GALNT10: variants seen among roughly 807,000 people sequenced by gnomAD.
The protein encoded by GALNT10 is GalNAc transferase 10.
A neutral mutation model predicts 75.0 loss-of-function variants in GALNT10; 41 were observed. The ratio of observed to expected loss-of-function variants is 0.55; its 90% CI spans 0.43 to 0.71. The LOEUF is 0.71. GALNT10 is among the 30% of genes least tolerant of loss of function. The pLI, the probability that GALNT10 is intolerant of heterozygous loss-of-function variation, is 0.00. For synonymous variants in GALNT10, 302 were observed against 313.0 expected (o/e 0.96, Z 0.37); for missense variants, 727 against 818.5 (o/e 0.89, Z 1.36).
chr5:154,321,384 A>C (rs1442257509), intron 3 of GALNT10, among the ~76,000 whole-genome samples: 1 of 151,688 alleles, frequency 6.6e-6, no homozygotes, highest in African/African-American at 2.4e-5. Flanking sequence ...GGCTCGCTGC[A>C]ACCTCGTCTG....
At chr5:154,348,330 C>A (rs1755158682) in intron 4 of GALNT10, among the ~76,000 whole-genome samples, 1 of 152,106 alleles carries the variant, frequency 6.6e-6, no homozygotes, top group Admixed American at 6.5e-5. Context: ...TATTAATTAC[C>A]CCAATTAGAG....
intron 4 of GALNT10, among the ~76,000 whole-genome samples, chr5:154,335,026 A>G (rs1754922867): frequency 6.6e-6 from 1 of 152,094 alleles, no homozygotes; most frequent in Non-Finnish European, 1.5e-5. Flanking sequence ...CTGCCCAATA[A>G]ACCTCTATTC....
intron 1 of GALNT10, chr5:154,219,774 A>C (rs1489867900): frequency 1.3e-5 from 2 of 152,108 alleles, no homozygotes; most frequent in Non-Finnish European, 2.9e-5. Flanking sequence ...ATCCAGAGAC[A>C]GTAAGTGAAT....
chr5:154,267,213 G>T (rs1753791073), intron 1 of GALNT10, among the ~76,000 whole-genome samples: 1 of 152,192 alleles, frequency 6.6e-6, no homozygotes, highest in Non-Finnish European at 1.5e-5. Flanking sequence ...TGCAATATGG[G>T]ATGAATATTT....
chr5:154,393,066 A>AAAAAAAC (rs1554101646), intron 7 of GALNT10: 1 of 133,956 alleles, frequency 7.5e-6, no homozygotes, highest in African/African-American at 2.8e-5. Context: ...ACAAAAAAAA[A>AAAAAAAC]AAAAAAAAAA....
At position 154,412,786 on chromosome 5, in the gene GALNT10, T is replaced by C; in HGVS notation, c.1387-103T>C. On this transcript the variant is annotated intron_variant, in intron 9 of 11. Transcript: ENST00000297107. The surrounding 1 kb of genome is among the most constrained non-coding windows in gnomAD (Gnocchi z 4.2). ...TTTATCAAGACGATTTGAAGGTTAA[T>C]CCAGCTAATGTCTCCCACTTGGTTT... The C allele has an allele frequency of 4.9e-6, 4 of 812,878 alleles. No homozygotes were observed. The highest frequency in any genetic ancestry group is 8.7e-6 in the Non-Finnish European group (4 of 460,856). The allele number at this position is 812,878 out of a possible 1,614,324, so 50.4% of individuals were successfully genotyped here. A position where few individuals can be genotyped will look rare whatever the true frequency, so the allele number is the denominator to read the frequency against.
Position 154,346,739 on chromosome 5 carries a change from A to T in GALNT10, c.568+17001A>T, listed in dbSNP as rs1256211302. Among the ~76,000 whole-genome samples the T allele has an allele frequency of 3.3e-5, 5 of 152,140 alleles. No individual in the cohort carries two copies. In the East Asian group the frequency reaches 9.6e-4, roughly 29 times the overall value. ...TGCCAATTTTTTTTTTAAAGAAGCTAAATGGAAGATTTAAACCTTAAGTTG... is the reference window on the plus strand; with the variant it reads ...TGCCAATTTTTTTTTTAAAGAAGCTTAATGGAAGATTTAAACCTTAAGTTG... On this transcript the variant is annotated intron_variant, in intron 4 of 11. Transcript: ENST00000297107.
chr5:154,215,678 G>A (rs564148052), intron 1 of GALNT10, among the ~76,000 whole-genome samples: 2 of 152,160 alleles, frequency 1.3e-5, no homozygotes, highest in Non-Finnish European at 2.9e-5. Context: ...ATACTGTCAT[G>A]GTTAAAAATG....
intron 1 of GALNT10, among the ~76,000 whole-genome samples, chr5:154,269,195 A>G (rs1581947943): frequency 1.3e-5 from 2 of 151,778 alleles, no homozygotes. Flanking sequence ...CATGTTGGCC[A>G]TGATGGTCTC....
rs1216228165 is a variant in GALNT10 at position 154,409,841 on chromosome 5, A to C, written c.1386+79A>C. 1 of 968,604 alleles carries C rather than the reference A, an allele frequency of 1.0e-6. No homozygotes were observed. Among genetic ancestry groups the C allele is most frequent in the African/African-American group, 1.6e-5 (1 of 62,478 alleles). 60.0% of individuals were successfully genotyped at this position (968,604 alleles called of 1,614,324 possible). On this transcript the variant is annotated intron_variant, in intron 9 of 11. Coordinates refer to ENST00000297107, the MANE Select transcript of GALNT10 (RefSeq NM_198321.4). This position sits in a 1 kb window ranked among gnomAD's most constrained non-coding sequence, Gnocchi z 4.5. ...AATGCAGATCCCATGTTCAAAAGGT[A>C]GAAAGTCAGTGCAGGGAGGAAAGGC...
chr5:154,307,453 T>A (rs1754450490), intron 3 of GALNT10, among the ~76,000 whole-genome samples: 1 of 151,960 alleles, frequency 6.6e-6, no homozygotes, highest in African/African-American at 2.4e-5. Context: ...ACCCCGTCTC[T>A]ACTAAAAACA....
chr5:154,385,630 G>A (rs1383920129), intron 6 of GALNT10, among the ~76,000 whole-genome samples: 1 of 152,104 alleles, frequency 6.6e-6, no homozygotes, highest in Non-Finnish European at 1.5e-5. Flanking sequence ...TCTCCTGAAG[G>A]ACTCTCATTG....
chr5:154,406,833 A>C (rs148256396), intron 8 of GALNT10, among the ~76,000 whole-genome samples: 1 of 152,162 alleles, frequency 6.6e-6, no homozygotes, highest in Non-Finnish European at 1.5e-5. Context: ...TAATAACCAC[A>C]TCCTAAGCCT....
At position 154,338,101 on chromosome 5, in the gene GALNT10, A is replaced by G. The variant is rs1487350372; in HGVS notation, c.568+8363A>G. 2.8e-5 allele frequency: 30 copies of G among 1,082,306 alleles called. No individual in the cohort carries two copies. The Admixed American group carries it at 4.2e-4, about 15-fold the overall frequency. The allele number at this position is 1,082,306 out of a possible 1,614,324, so 67.0% of individuals were successfully genotyped here. A position where few individuals can be genotyped will look rare whatever the true frequency, so the allele number is the denominator to read the frequency against. On this transcript the variant is annotated intron_variant, in intron 4 of 11. Coordinates refer to ENST00000297107, the MANE Select transcript of GALNT10 (RefSeq NM_198321.4). ...CTTCAGCATCTTCTTTAATGCCACC[A>G]GCAAATATCTTTTTCACAGTTGAGT...
chr5:154,373,904 G>T (rs1055859870), intron 4 of GALNT10, among the ~76,000 whole-genome samples: 1 of 152,168 alleles, frequency 6.6e-6, no homozygotes, highest in African/African-American at 2.4e-5. Flanking sequence ...CCAAGCAGGG[G>T]CCTCAATGAT....
chr5:154,363,985 G>C (rs1423907076), intron 4 of GALNT10, among the ~76,000 whole-genome samples: 1 of 152,182 alleles, frequency 6.6e-6, no homozygotes, highest in Non-Finnish European at 1.5e-5. Flanking sequence ...GTGCTGTGAG[G>C]AAAATCAATC....
At chr5:154,333,599 A>G (rs1358087731) in intron 4 of GALNT10, among the ~76,000 whole-genome samples, 2 of 152,344 alleles carry the variant, frequency 1.3e-5, no homozygotes, top group East Asian at 3.9e-4. Flanking sequence ...TGACAAAGAA[A>G]AGGTACACTT....
intron 3 of GALNT10, among the ~76,000 whole-genome samples, chr5:154,318,596 A>G (rs1469420419): frequency 6.6e-6 from 1 of 152,192 alleles, no homozygotes; most frequent in Non-Finnish European, 1.5e-5. Context: ...TATTTTGACA[A>G]TTAAATGACT....
chr5:154,232,532 T>C (rs1395633430), intron 1 of GALNT10, among the ~76,000 whole-genome samples: 1 of 151,988 alleles, frequency 6.6e-6, no homozygotes, highest in Admixed American at 6.6e-5. Context: ...ACAGTGATAA[T>C]AGGTGCTATG....
Sources: allele counts gnomAD v4.1 joint callset (sites outside exome capture counted in the v4.1 genomes callset), GRCh38; gene constraint gnomAD v4.1.1; non-coding constraint Gnocchi (gnomAD v3.1); transcripts MANE v1.5; gene names NCBI Gene and HGNC (gene_info 2026-07-23, HGNC 2026-07-21).